The following SART1 variants were observed in gnomAD, a reference collection of about 807,000 sequenced individuals.
SART1 encodes the protein spliceosome associated factor 1, recruiter of U4/U6.U5 tri-snRNP.
In SART1, 28 loss-of-function variants were observed where a neutral mutation model predicts 105.0. The observed-to-expected ratio is 0.27, with a 90% CI of 0.20 to 0.37. The LOEUF (loss-of-function observed/expected upper bound fraction) is 0.37, where lower values mean the gene tolerates loss of function less well. Among genes scored for constraint, SART1 ranks in the 10% least tolerant of loss-of-function variants. The pLI, the probability that SART1 is intolerant of heterozygous loss-of-function variation, is 1.00. For missense variants in SART1, 894 were observed against 1,106.5 expected (o/e 0.81, Z 2.72); for synonymous variants, 472 against 462.9 (o/e 1.02, Z -0.25).
At chr11:65,962,124 G>GGGGGGGGGGGGGCC in intron 1 of SART1, 31 bp downstream of exon 1, 4 of 1,113,050 alleles carry the variant, frequency 3.6e-6, no homozygotes, top group Non-Finnish European at 4.8e-6. Flanking sequence ...CAGGGGGCGG[G>GGGGGGGGGGGGGCC]TCGGGCGGGG....
At position 65,979,102 on chromosome 11, in the gene SART1, T is replaced by C. The variant is rs1381665548; in HGVS notation, c.*72T>C. On this transcript the variant is annotated 3_prime_UTR_variant, in exon 20 of 20. Transcript: ENST00000312397. Reference sequence around the variant, plus strand: ...AGCTCCCTCCTTATTTTTTCCTCCCTGGTCGTGGTACAGATTCCAGGGTTG... The same window carrying C: ...AGCTCCCTCCTTATTTTTTCCTCCCCGGTCGTGGTACAGATTCCAGGGTTG... 3.8e-6 allele frequency: 6 copies of C among 1,593,098 alleles called. No homozygotes were observed.
chr11:65,968,711 G>A (rs1374073610), intron 12 of SART1, among the ~76,000 whole-genome samples: 1 of 152,166 alleles, frequency 6.6e-6, no homozygotes, highest in Non-Finnish European at 1.5e-5. Flanking sequence ...GGTGTCTCAG[G>A]AGAAGTGACC....
intron 1 of SART1, among the ~76,000 whole-genome samples, chr11:65,963,471 GT>G (rs201364567): frequency 2.0e-5 from 3 of 148,920 alleles, no homozygotes; most frequent in South Asian, 2.1e-4. Context: ...GAAAGGAAGA[GT>G]TTTTTTTTTG....
chr11:65,967,241 C>A lies in SART1; in HGVS notation c.1189-18C>A. On this transcript the variant is annotated intron_variant, in intron 9 of 19. Transcript: ENST00000312397. ...TTTCTGTGGCCCCCGCTCCATGTCT[C>A]GCCCCTCTTCCCTTAAGGTGACCTT... The A allele has an allele frequency of 6.2e-7, 1 of 1,611,722 alleles. No homozygotes were observed. The highest frequency in any genetic ancestry group is 8.5e-7 in the Non-Finnish European group (1 of 1,178,738).
In SART1 at chr11:65,962,092, C is replaced by G; in HGVS notation, c.312C>G (p.Ala104=). The part of the protein sequence containing the change: ...KREKRDDGYE[A]AASSKTSSGD... ...AGAAGCGCGATGACGGCTACGAGGC[C>G]GGTGAGGAGGCGGGGCCTGCGCAGG... The change falls in exon 1 of 20, where the codon GCC becomes GCG. Residue 104 remains alanine (A), a splice_region_variant and synonymous_variant. Coordinates refer to ENST00000312397, the MANE Select transcript of SART1 (RefSeq NM_005146.5). The G allele has an allele frequency of 1.5e-6, 1 of 661,626 alleles. No homozygotes were observed. Among genetic ancestry groups the G allele is most frequent in the Non-Finnish European group, 1.8e-6 (1 of 565,256 alleles). 41.0% of individuals were successfully genotyped at this position (661,626 alleles called of 1,614,324 possible). A position where few individuals can be genotyped will look rare whatever the true frequency, so the allele number is the denominator to read the frequency against.
chr11:65,967,634 G>A (rs1179610842), intron 11 of SART1, 45 bp from the exon 12 acceptor site: 4 of 1,599,044 alleles, frequency 2.5e-6, no homozygotes, highest in Non-Finnish European at 3.4e-6. Context: ...GGAGCCGCGG[G>A]TTGGAGGAGA....
Position 65,978,100 on chromosome 11 carries a change from A to C in SART1, c.2172+201A>C, listed in dbSNP as rs1297442500. ...GCCTCAGTTTGTCTCTAGTGGGCACAGCAGTCTCTTTGCAAGCCTGGCAGG... is the reference window on the plus strand; with the variant it reads ...GCCTCAGTTTGTCTCTAGTGGGCACCGCAGTCTCTTTGCAAGCCTGGCAGG... On this transcript the variant is annotated intron_variant, in intron 17 of 19. Transcript: ENST00000312397. This position sits in a 1 kb window ranked among gnomAD's most constrained non-coding sequence, Gnocchi z 6.8. 21 of 611,794 alleles carry C rather than the reference A, an allele frequency of 3.4e-5. No homozygotes were observed. Among genetic ancestry groups the C allele is most frequent in the East Asian group, 3.1e-4 (11 of 35,730 alleles). The allele number at this position is 611,794 out of a possible 1,614,324, so 37.9% of individuals were successfully genotyped here. A position where few individuals can be genotyped will look rare whatever the true frequency, so the allele number is the denominator to read the frequency against.
At chr11:65,977,522 C>T (rs1565318588) in intron 15 of SART1, 41 bp from the exon 16 acceptor site, 1 of 1,561,262 alleles carries the variant, frequency 6.4e-7, no homozygotes, top group East Asian at 2.2e-5. Context: ...GGAGCTGTGG[C>T]TCTCGAGGGG....
intron 12 of SART1, among the ~76,000 whole-genome samples, chr11:65,968,836 G>A (rs868726843): frequency 3.3e-5 from 5 of 152,194 alleles, no homozygotes; most frequent in South Asian, 2.1e-4. Flanking sequence ...CATGGTCGTC[G>A]CTGCCCCAGA....
At position 65,964,058 on chromosome 11, in the gene SART1, C is replaced by G; in HGVS notation, c.314-16C>G. 1 of 1,609,652 alleles carries G rather than the reference C, an allele frequency of 6.2e-7. No individual in the cohort carries two copies. The highest frequency in any genetic ancestry group is 8.5e-7 in the Non-Finnish European group (1 of 1,179,786). The stretch of plus-strand genomic sequence containing the variant: ...CCCTGTGTTCAGCTCCTGAGCCATG[C>G]TTCTTCTTGTTCCAGCTGCCAGCTC... On this transcript the variant is annotated splice_polypyrimidine_tract_variant and intron_variant, in intron 1 of 19. Transcript: ENST00000312397.
rs1488162167 is a variant in SART1 at position 65,977,543 on chromosome 11, C to T, written c.1946-20C>T. The T allele has an allele frequency of 1.2e-6, 2 of 1,611,214 alleles. No homozygotes were observed. Among genetic ancestry groups the T allele is most frequent in the Middle Eastern group, 1.7e-4 (1 of 6,054 alleles). On this transcript the variant is annotated intron_variant, in intron 15 of 19. Transcript: ENST00000312397. ...GTGGCTCTCGAGGGGTTGGGAGTCT[C>T]ACAACCCCTCCATCCCTAGGGCTGC...
chr11:65,977,691 G>A, intron 16 of SART1, 38 bp downstream of exon 16: 1 of 1,613,686 alleles, frequency 6.2e-7, no homozygotes, highest in Non-Finnish European at 8.5e-7. Flanking sequence ...TGAGGGGCCT[G>A]TGCCAGCTTG....
At position 65,978,997 on chromosome 11, in the gene SART1, T is replaced by C. The variant is rs780087209; in HGVS notation, c.2385-15T>C. 25 of 1,613,970 alleles carry C rather than the reference T, an allele frequency of 1.5e-5. No individual in the cohort carries two copies. In the East Asian group the frequency reaches 4.0e-4, roughly 26 times the overall value. The stretch of plus-strand genomic sequence containing the variant: ...GCCCGCCTCTGCAGCCTCACGCCCC[T>C]GTTCTTCTCTGCAGGAACACCATCA... On this transcript the variant is annotated splice_polypyrimidine_tract_variant and intron_variant, in intron 19 of 19. Transcript: ENST00000312397. The surrounding 1 kb of genome is among the most constrained non-coding windows in gnomAD (Gnocchi z 6.8).
At chr11:65,965,662 A>G in intron 5 of SART1, 40 bp from the exon 6 acceptor site, 1 of 1,582,348 alleles carries the variant, frequency 6.3e-7, no homozygotes, top group African/African-American at 1.3e-5. Flanking sequence ...GGTGATGCTG[A>G]GTGGCCTGAA....
intron 12 of SART1, among the ~76,000 whole-genome samples, chr11:65,971,771 T>G (rs1322623539): frequency 6.6e-6 from 1 of 151,912 alleles, no homozygotes; most frequent in Admixed American, 6.6e-5. Context: ...TCCCCCTGAG[T>G]CTAAACTGGG....
intron 12 of SART1, among the ~76,000 whole-genome samples, chr11:65,968,872 C>T (rs899131230): frequency 3.3e-5 from 5 of 152,198 alleles, no homozygotes; most frequent in Admixed American, 6.5e-5. Context: ...GCACTGCTCA[C>T]ATGTTCTGTG....
intron 6 of SART1, 22 bp downstream of exon 6, chr11:65,965,801 T>A: frequency 6.2e-7 from 1 of 1,613,510 alleles, no homozygotes. Flanking sequence ...GCAGGGGTGG[T>A]ACAGGGGACA....
intron 2 of SART1, 22 bp from the exon 3 acceptor site, chr11:65,964,493 C>G: frequency 1.9e-6 from 3 of 1,613,110 alleles, no homozygotes; most frequent in South Asian, 2.2e-5. Flanking sequence ...TAGCCCCTAA[C>G]ACTTGTATCT....
In SART1 at chr11:65,978,840, C is replaced by T. The variant is rs1361799810; in HGVS notation, c.2310C>T (p.Ala770=). ...GCGACACGCCCCTGGGCACCGTGGCCCTGCTCCAGGAGAAGCAGAAGGCTC... is the reference window on the plus strand; with the variant it reads ...GCGACACGCCCCTGGGCACCGTGGCTCTGCTCCAGGAGAAGCAGAAGGCTC... The part of the protein sequence containing the change: ...SSSDTPLGTV[A]LLQEKQKAQK... The change falls in exon 19 of 20, where the codon GCC becomes GCT. Residue 770 remains alanine (A), a synonymous_variant. Coordinates refer to ENST00000312397, the MANE Select transcript of SART1 (RefSeq NM_005146.5). This position sits in a 1 kb window ranked among gnomAD's most constrained non-coding sequence, Gnocchi z 6.8. The T allele has an allele frequency of 4.3e-6, 7 of 1,614,032 alleles. No homozygotes were observed. Among genetic ancestry groups the T allele is most frequent in the African/African-American group, 1.3e-5 (1 of 74,996 alleles).
Sources: allele counts gnomAD v4.1 joint callset (sites outside exome capture counted in the v4.1 genomes callset), GRCh38; gene constraint gnomAD v4.1.1; non-coding constraint Gnocchi (gnomAD v3.1); transcripts MANE v1.5; gene names NCBI Gene and HGNC (gene_info 2026-07-23, HGNC 2026-07-21).